The following USP47 variants were observed in gnomAD, a reference collection of about 807,000 sequenced individuals.
USP47 encodes the protein ubiquitin specific peptidase 47, also known as ubiquitin carboxyl-terminal hydrolase 47.
A neutral mutation model predicts 165.1 loss-of-function variants in USP47; 35 were observed. That is an observed-to-expected ratio of 0.21 (90% CI 0.16 to 0.28). The LOEUF (loss-of-function observed/expected upper bound fraction) is 0.28. USP47 is among the 10% of genes least tolerant of loss of function. The probability of loss-of-function intolerance (pLI) is 1.00; values close to 1 mark genes in which losing one functional copy is unlikely to be tolerated. For synonymous variants in USP47, 531 were observed against 544.5 expected (o/e 0.98, Z 0.35); for missense variants, 1,277 against 1,607.4 (o/e 0.79, Z 3.52).
intron 8 of USP47, among the ~76,000 whole-genome samples, chr11:11,915,145 G>C (rs180932661): frequency 2.6e-4 from 39 of 152,182 alleles, no homozygotes; most frequent in Admixed American, 2.4e-3. Context: ...ATAGTACTTA[G>C]CAATAAAAAG....
At chr11:11,955,934 T>C in intron 27 of USP47, 67 bp from the exon 28 acceptor site, 8 of 1,257,798 alleles carry the variant, frequency 6.4e-6, no homozygotes, top group Non-Finnish European at 8.7e-6. Context: ...ATCATAGCAT[T>C]CAAGCATACA....
Position 11,947,929 on chromosome 11 carries a change from T to TC in USP47, c.3092-16_3092-15insC. ...TTACATTTTTGTTCCTGTTTTGGTTTTTTTTTTGTGCTTAGGGTTGATGGT... is the reference window on the plus strand; with the variant it reads ...TTACATTTTTGTTCCTGTTTTGGTTTCTTTTTTTGTGCTTAGGGTTGATGGT... On this transcript the variant is annotated splice_polypyrimidine_tract_variant and intron_variant, in intron 20 of 27. Transcript: ENST00000527733. 1 of 1,572,588 alleles carries TC rather than the reference T, an allele frequency of 6.4e-7. No homozygotes were observed. Among genetic ancestry groups the TC allele is most frequent in the East Asian group, 2.2e-5 (1 of 44,658 alleles).
chr11:11,950,277 C>A, intron 23 of USP47, 87 bp from the exon 24 acceptor site: 2 of 914,364 alleles, frequency 2.2e-6, no homozygotes, highest in South Asian at 3.5e-5. Flanking sequence ...GAACATAGTT[C>A]ATTTTTCTTT....
chr11:11,861,688 G>T (rs986100101), intron 1 of USP47, among the ~76,000 whole-genome samples: 14 of 152,204 alleles, frequency 9.2e-5, no homozygotes, highest in African/African-American at 3.1e-4. Flanking sequence ...AAAATGGAAT[G>T]CATTTACCTG....
chr11:11,874,198 A>G (rs12271080), intron 1 of USP47, among the ~76,000 whole-genome samples: 5,055 of 152,286 alleles, frequency 0.033, 272 homozygotes, highest in African/African-American at 0.11. Context: ...TACAAAGTCA[A>G]AATCCAGAAA....
At chr11:11,904,499 T>G (rs1431682101) in intron 7 of USP47, among the ~76,000 whole-genome samples, 5 of 152,232 alleles carry the variant, frequency 3.3e-5, no homozygotes, top group Admixed American at 2.0e-4. Flanking sequence ...CATAGTCTTA[T>G]GGGGCTGTGT....
In USP47 at chr11:11,956,107, C is replaced by G; in HGVS notation, c.4000C>G (p.Pro1334Ala). Residue 1334 changes from proline to alanine, a missense_variant, in exon 28 of 28, where the codon CCT (proline) becomes GCT (alanine). By Grantham distance (27) the Pro-to-Ala change is conservative. Transcript: ENST00000527733. ...GACTGGACATCGTGTAACATACTCA[C>G]CTCGTAAAGAGAAAGCACTAAAAAT... ...QKTGHRVTYS[P>A]RKEKALKIYL... 1 of 1,613,860 alleles carries G rather than the reference C, an allele frequency of 6.2e-7. No individual in the cohort carries two copies. The highest frequency in any genetic ancestry group is 8.5e-7 in the Non-Finnish European group (1 of 1,179,870).
intron 1 of USP47, among the ~76,000 whole-genome samples, chr11:11,847,333 A>G (rs1229050043): frequency 6.8e-6 from 1 of 147,274 alleles, no homozygotes; most frequent in East Asian, 2.0e-4. Flanking sequence ...CTTACTCTGT[A>G]TATTTGTCTT....
chr11:11,861,612 T>G (rs1849391659), intron 1 of USP47, among the ~76,000 whole-genome samples: 1 of 152,184 alleles, frequency 6.6e-6, no homozygotes, highest in Non-Finnish European at 1.5e-5. Context: ...CAAAGGAGTT[T>G]TATTTATTTT....
At chr11:11,949,383 TC>T (rs774236571) in intron 22 of USP47, among the ~76,000 whole-genome samples, 9 of 152,176 alleles carry the variant, frequency 5.9e-5, no homozygotes, top group Admixed American at 2.0e-4. Context: ...CATAAATTTA[TC>T]ATAAAATGCC....
At chr11:11,918,886 AGATGT>A (rs1445678489) in intron 8 of USP47, among the ~76,000 whole-genome samples, 2 of 151,982 alleles carry the variant, frequency 1.3e-5, no homozygotes, top group African/African-American at 4.8e-5. Context: ...GTTAAGCTAT[AGATGT>A]AATTTCTTTA....
chr11:11,868,210 G>A (rs188259419), intron 1 of USP47, among the ~76,000 whole-genome samples: 7 of 152,250 alleles, frequency 4.6e-5, no homozygotes, highest in East Asian at 1.9e-4. Flanking sequence ...AGATATTCAC[G>A]TGATATAGTC....
At chr11:11,882,969 T>C (rs7101853) in intron 2 of USP47, among the ~76,000 whole-genome samples, 8,924 of 152,292 alleles carry the variant, frequency 0.059, 697 homozygotes, top group African/African-American at 0.18. Flanking sequence ...TGTATTTTTA[T>C]TTGCCTCCTG....
At chr11:11,953,397 G>A (rs902810088) in intron 25 of USP47, among the ~76,000 whole-genome samples, 5 of 151,824 alleles carry the variant, frequency 3.3e-5, no homozygotes, top group Admixed American at 2.0e-4. Context: ...AATGTATTAA[G>A]TTTATATATA....
chr11:11,863,681 G>T (rs1267028532), intron 1 of USP47, among the ~76,000 whole-genome samples: 1 of 152,050 alleles, frequency 6.6e-6, no homozygotes, highest in East Asian at 1.9e-4. Flanking sequence ...ACCTACAAAT[G>T]CATTCTTAGT....
intron 1 of USP47, among the ~76,000 whole-genome samples, chr11:11,846,878 A>C (rs1342418117): frequency 2.0e-5 from 3 of 152,108 alleles, no homozygotes; most frequent in Non-Finnish European, 2.9e-5. Flanking sequence ...TGATTCTTTT[A>C]AAATGAGGCT....
At chr11:11,874,268 A>G (rs1265437441) in intron 1 of USP47, among the ~76,000 whole-genome samples, 1 of 152,170 alleles carries the variant, frequency 6.6e-6, no homozygotes, top group African/African-American at 2.4e-5. Context: ...CTTCCATGTG[A>G]TGTAGCATTC....
chr11:11,906,034 G>A (rs1357222305), intron 8 of USP47, among the ~76,000 whole-genome samples: 2 of 152,014 alleles, frequency 1.3e-5, no homozygotes, highest in South Asian at 2.1e-4. Context: ...AATATACATT[G>A]TAGTAGCACA....
chr11:11,942,540 A>G lies in USP47; in HGVS notation c.2519A>G (p.Lys840Arg). 2 of 1,613,660 alleles carry G rather than the reference A, an allele frequency of 1.2e-6. No individual in the cohort carries two copies. The highest frequency in any genetic ancestry group is 8.5e-7 in the Non-Finnish European group (1 of 1,179,778). ...GTGGATGATGACTGTGAAAGAGTCA[A>G]AGGACCTGTAGGAAGCCTAAAGTCT... ...GNVDDDCERV[K>R]GPVGSLKSVE... The change falls in exon 20 of 28, where the codon AAA (lysine) becomes AGA (arginine). Residue 840 changes from lysine (K) to arginine (R), a missense_variant. This residue lies in a region of USP47 where 909 missense variants were observed against 1,068.1 expected (regional missense o/e 0.85). Coordinates refer to ENST00000527733, the MANE Select transcript of USP47 (RefSeq NM_001282659.2).
Sources: gnomAD v4.1 joint callset for allele counts (sites outside exome capture counted in the v4.1 genomes callset) on GRCh38, gnomAD v4.1.1 for gene constraint, gnomAD v4.1.1 regional missense constraint, MANE v1.5 for transcripts, NCBI Gene and HGNC (gene_info 2026-07-23, HGNC 2026-07-21) for gene names.